The following NSUN3 variants were observed in gnomAD, a reference collection of about 807,000 sequenced individuals.
The protein encoded by NSUN3 is tRNA (cytosine(34)-C(5))-methyltransferase, mitochondrial.
In NSUN3, 24 loss-of-function variants were observed where a neutral mutation model predicts 36.8. That is an observed-to-expected ratio of 0.65 (90% CI 0.47 to 0.92). The LOEUF (loss-of-function observed/expected upper bound fraction) is 0.92, where lower values mean the gene tolerates loss of function less well. NSUN3 is among the 40% of genes least tolerant of loss of function. The probability of loss-of-function intolerance (pLI) is 0.00; values close to 1 mark genes in which losing one functional copy is unlikely to be tolerated. For missense variants in NSUN3, 381 were observed against 392.8 expected, an observed-to-expected ratio of 0.97 and a Z score of 0.25; for synonymous variants, 146 against 145.2, an observed-to-expected ratio of 1.01 and a Z score of -0.04.
chr3:94,099,612 C>A (rs913199873), intron 5 of NSUN3, among the ~76,000 whole-genome samples: 6 of 147,120 alleles, frequency 4.1e-5, no homozygotes, highest in Non-Finnish European at 8.8e-5. Flanking sequence ...CTTGAAGCAG[C>A]CAAAATTCCT....
chr3:94,131,507 AAAC>A lies in NSUN3; in HGVS notation c.*5024_*5026del, dbSNP rs1428330451. 3.3e-5 allele frequency among the ~76,000 whole-genome samples: 5 copies of A among 152,172 alleles called. No individual in the cohort carries two copies. Among genetic ancestry groups the A allele is most frequent in the Non-Finnish European group, 7.3e-5 (5 of 68,036 alleles). On this transcript the variant is annotated 3_prime_UTR_variant, in exon 6 of 6. Transcript: ENST00000314622. ...AAGGATTAATCAATACTTGGGAAAA[AAAC>A]AACAACCTTTGAACTGTTTCAGGCC... is the stretch of plus-strand genomic sequence containing the variant.
intron 5 of NSUN3, among the ~76,000 whole-genome samples, chr3:94,105,767 G>A (rs769719049): frequency 2.6e-5 from 4 of 151,582 alleles, no homozygotes; most frequent in Non-Finnish European, 5.9e-5. Flanking sequence ...ACACACACAC[G>A]GTTTGAATAA....
chr3:94,095,747 G>C (rs2077335934), intron 5 of NSUN3, among the ~76,000 whole-genome samples: 1 of 151,822 alleles, frequency 6.6e-6, no homozygotes, highest in Non-Finnish European at 1.5e-5. Flanking sequence ...TTTTTTGTTT[G>C]TTTGTTTGTT....
intron 2 of NSUN3, among the ~76,000 whole-genome samples, chr3:94,068,753 C>T (rs2077214512): frequency 6.7e-6 from 1 of 148,416 alleles, no homozygotes; most frequent in Non-Finnish European, 1.5e-5. Context: ...TCCTCACTGA[C>T]CGAGAGTTCA....
chr3:94,068,135 G>A lies in NSUN3; in HGVS notation c.122+3589G>A, dbSNP rs1048168649. On this transcript the variant is annotated intron_variant, in intron 2 of 5. Transcript: ENST00000314622. The stretch of plus-strand genomic sequence containing the variant: ...AATATCTCTGTGCTCCATTGTCCTC[G>A]TCTGTAAAATGGGGAAAAAATAGTA... Among the ~76,000 whole-genome samples the A allele has an allele frequency of 1.8e-4, 27 of 151,990 alleles. No individual in the cohort carries two copies. In the East Asian group the frequency reaches 2.1e-3, roughly 12 times the overall value.
At chr3:94,084,059 G>T in intron 2 of NSUN3, 48 bp from the exon 3 acceptor site, 1 of 1,320,212 alleles carries the variant, frequency 7.6e-7, no homozygotes, top group Non-Finnish European at 1.1e-6. Context: ...AATTGTATTG[G>T]TATGTATCAT....
At chr3:94,067,049 A>T (rs2077206506) in intron 2 of NSUN3, among the ~76,000 whole-genome samples, 1 of 152,112 alleles carries the variant, frequency 6.6e-6, no homozygotes, top group Admixed American at 6.5e-5. Context: ...TAACGATGTG[A>T]TTTATGTTGA....
intron 5 of NSUN3, among the ~76,000 whole-genome samples, chr3:94,119,990 C>T (rs2077454788): frequency 6.6e-6 from 1 of 152,190 alleles, no homozygotes; most frequent in African/African-American, 2.4e-5. Context: ...GAAAGGTAAG[C>T]AGAAGAATCA....
chr3:94,094,481 C>T (rs1448891821), intron 4 of NSUN3, among the ~76,000 whole-genome samples, 187 bp downstream of exon 4: 1 of 152,118 alleles, frequency 6.6e-6, no homozygotes, highest in African/African-American at 2.4e-5. Flanking sequence ...TCAAAGGAAG[C>T]AGTAACATTG....
chr3:94,064,245 A>G (rs2077193953), intron 1 of NSUN3, 192 bp from the exon 2 acceptor site: 6 of 564,308 alleles, frequency 1.1e-5, no homozygotes, highest in Non-Finnish European at 1.9e-5. Context: ...GAAAATAATT[A>G]TTTGGAAAAA....
chr3:94,121,532 C>T (rs906137532), intron 5 of NSUN3, among the ~76,000 whole-genome samples: 4 of 152,072 alleles, frequency 2.6e-5, no homozygotes, highest in South Asian at 2.1e-4. Flanking sequence ...TTCTTCCTAC[C>T]GCAGGATATT....
At chr3:94,063,263 C>T (rs1156233612) in intron 1 of NSUN3, 125 bp downstream of exon 1, 1 of 970,870 alleles carries the variant, frequency 1.0e-6, no homozygotes, top group Non-Finnish European at 1.7e-6. Flanking sequence ...GCGAGATCAG[C>T]GTTTCTTTGG....
intron 2 of NSUN3, chr3:94,076,430 T>C: frequency 3.8e-6 from 3 of 794,788 alleles, no homozygotes; most frequent in Non-Finnish European, 4.6e-6. Flanking sequence ...CATAAGTTTC[T>C]GATGATCAGC....
At chr3:94,086,667 A>G (rs887140148) in intron 3 of NSUN3, among the ~76,000 whole-genome samples, 4 of 152,220 alleles carry the variant, frequency 2.6e-5, no homozygotes, top group Non-Finnish European at 2.9e-5. Flanking sequence ...AATATGCCCA[A>G]TGTTTTAGAG....
At chr3:94,108,075 A>G (rs1357239538) in intron 5 of NSUN3, among the ~76,000 whole-genome samples, 1 of 149,698 alleles carries the variant, frequency 6.7e-6, no homozygotes, top group Non-Finnish European at 1.5e-5. Flanking sequence ...TCTACTCAGA[A>G]TTTTTTTTGA....
At chr3:94,093,995 A>G (rs1246540108) in intron 3 of NSUN3, 145 bp from the exon 4 acceptor site, 3 of 625,808 alleles carry the variant, frequency 4.8e-6, no homozygotes, top group South Asian at 2.1e-5. Flanking sequence ...TTTTTAAAGC[A>G]TAAGAAAATA....
chr3:94,088,780 C>T (rs1024316610), intron 3 of NSUN3, among the ~76,000 whole-genome samples: 1 of 150,346 alleles, frequency 6.7e-6, no homozygotes, highest in Non-Finnish European at 1.5e-5. Flanking sequence ...TCAAGCAATT[C>T]TCATGCCTCA....
rs538744100 is a variant in NSUN3 at position 94,083,855 on chromosome 3, A to G, written c.123-252A>G. On this transcript the variant is annotated intron_variant, in intron 2 of 5. Coordinates refer to ENST00000314622, the MANE Select transcript of NSUN3 (RefSeq NM_022072.5). ...ATAATGTAATATTTCAGTGATCACA[A>G]TTAGTTTTTGAAAAGCCACAGTGAA... 3.9e-5 allele frequency among the ~76,000 whole-genome samples: 6 copies of G among 152,244 alleles called. No individual in the cohort carries two copies. The East Asian group carries it at 5.8e-4, about 15-fold the overall frequency.
In NSUN3 at chr3:94,129,282, G is replaced by T. The variant is rs1270394870; in HGVS notation, c.*2792G>T. ...GCCCATCAGCAGTTGATTGAATAAAGGAAATGTGGTACATATACCTCGTGT... is the reference window on the plus strand; with the variant it reads ...GCCCATCAGCAGTTGATTGAATAAATGAAATGTGGTACATATACCTCGTGT... On this transcript the variant is annotated 3_prime_UTR_variant, in exon 6 of 6. Transcript: ENST00000314622. 6.6e-6 allele frequency among the ~76,000 whole-genome samples: 1 copy of T among 152,122 alleles called. No individual in the cohort carries two copies. The highest frequency in any genetic ancestry group is 6.5e-5 in the Admixed American group (1 of 15,280).
Sources: allele counts gnomAD v4.1 joint callset (sites outside exome capture counted in the v4.1 genomes callset), GRCh38; gene constraint gnomAD v4.1.1; transcripts MANE v1.5; gene names NCBI Gene and HGNC (gene_info 2026-07-23, HGNC 2026-07-21).